Variants in KIF13A observed in about 807,000 individuals in gnomAD.
KIF13A encodes the protein kinesin family member 13A.
KIF13A carries 79 observed loss-of-function variants against 212.2 expected under a neutral mutation model. That is an observed-to-expected ratio of 0.37 (90% CI 0.31 to 0.45). The LOEUF (loss-of-function observed/expected upper bound fraction) is 0.45. Ranked by LOEUF, KIF13A falls within the 20% of genes least tolerant of loss-of-function variation. The probability of loss-of-function intolerance (pLI) is 1.00; values close to 1 mark genes in which losing one functional copy is unlikely to be tolerated. For synonymous variants in KIF13A, 789 were observed against 808.6 expected (o/e 0.98, Z 0.41); for missense variants, 1,901 against 2,209.0 (o/e 0.86, Z 2.79).
At chr6:17,842,099 A>G (rs1331902839) in intron 9 of KIF13A, among the ~76,000 whole-genome samples, 4 of 151,652 alleles carry the variant, frequency 2.6e-5, no homozygotes, top group Non-Finnish European at 5.9e-5. Context: ...CCCAGGCTGG[A>G]GAGCAGTGGT....
At chr6:17,907,363 G>A (rs1214405051) in intron 2 of KIF13A, among the ~76,000 whole-genome samples, 1 of 152,162 alleles carries the variant, frequency 6.6e-6, no homozygotes, top group Non-Finnish European at 1.5e-5. Flanking sequence ...AGAATTTGGT[G>A]AGAGCTCTTT....
chr6:17,778,961 C>T lies in KIF13A; in HGVS notation c.4078G>A (p.Glu1360Lys). 1 of 1,598,208 alleles carries T rather than the reference C, an allele frequency of 6.3e-7. No individual in the cohort carries two copies. The highest frequency in any genetic ancestry group is 8.5e-7 in the Non-Finnish European group (1 of 1,172,432). The change falls in exon 33 of 39, where the codon GAA becomes AAA. Residue 1360 changes from glutamate (E) to lysine (K), a missense_variant. Coordinates refer to ENST00000259711, the MANE Select transcript of KIF13A (RefSeq NM_022113.6). ...VLQVENILSL[E>K]RLRQAVTVKE... The stretch of plus-strand genomic sequence containing the variant: ...CAGTTACTTGCCTGCCGGAGCCGTT[C>T]AAGACTCAGAATGTTTTCCACCTGC...
chr6:17,886,779 G>A lies in KIF13A; in HGVS notation c.159+11389C>T, dbSNP rs1396272521. On this transcript the variant is annotated intron_variant, in intron 3 of 38. Coordinates refer to ENST00000259711, the MANE Select transcript of KIF13A (RefSeq NM_022113.6). The surrounding 1 kb of genome is among the most constrained non-coding windows in gnomAD (Gnocchi z 5.6). ...ATCATGCCATTGCACTCCAGCCTGG[G>A]CAACAAGGGCGAAACTCCATCTCAA... is the stretch of plus-strand genomic sequence containing the variant. Among the ~76,000 whole-genome samples, 1 of 151,966 alleles carries A rather than the reference G, an allele frequency of 6.6e-6. No homozygotes were observed. Among genetic ancestry groups the A allele is most frequent in the East Asian group, 1.9e-4 (1 of 5,186 alleles).
intron 11 of KIF13A, among the ~76,000 whole-genome samples, chr6:17,835,213 A>G (rs1477380995): frequency 2.0e-3 from 37 of 18,624 alleles, no homozygotes; most frequent in African/African-American, 6.5e-3. Context: ...AAAAAAAAAA[A>G]AAAAAAAAAA....
chr6:17,913,802 C>T (rs966130024), intron 2 of KIF13A, among the ~76,000 whole-genome samples: 1 of 151,996 alleles, frequency 6.6e-6, no homozygotes, highest in Non-Finnish European at 1.5e-5. Context: ...TTGATGGAGA[C>T]GCAAAATGGG....
At chr6:17,857,586 C>A (rs895871148) in intron 4 of KIF13A, among the ~76,000 whole-genome samples, 1 of 152,160 alleles carries the variant, frequency 6.6e-6, no homozygotes, top group Non-Finnish European at 1.5e-5. Flanking sequence ...TAGTTCTTTA[C>A]AACAGTGTAA....
chr6:17,943,244 G>C (rs1426418279), intron 2 of KIF13A, among the ~76,000 whole-genome samples: 1 of 152,016 alleles, frequency 6.6e-6, no homozygotes, highest in Non-Finnish European at 1.5e-5. Context: ...GGAGAATAAA[G>C]AACTGGTCAC....
intron 28 of KIF13A, among the ~76,000 whole-genome samples, chr6:17,784,228 T>C (rs1264345898): frequency 6.6e-6 from 1 of 152,110 alleles, no homozygotes; most frequent in African/African-American, 2.4e-5. Flanking sequence ...AAGACCAGCC[T>C]GGGCAACACA....
chr6:17,947,972 C>T lies in KIF13A; in HGVS notation c.146+39082G>A, dbSNP rs1187110317. ...ATTTGATAAGGCAAATGCAGCAAAG[C>T]TTTAAAATGTGTAAGTCTGCTATTC... is the stretch of plus-strand genomic sequence containing the variant. On this transcript the variant is annotated intron_variant, in intron 2 of 38. Transcript: ENST00000259711. The surrounding 1 kb of genome is among the most constrained non-coding windows in gnomAD (Gnocchi z 4.6). Among the ~76,000 whole-genome samples the T allele has an allele frequency of 6.6e-6, 1 of 152,082 alleles. No individual in the cohort carries two copies. The highest frequency in any genetic ancestry group is 1.5e-5 in the Non-Finnish European group (1 of 68,010).
chr6:17,975,422 G>T (rs1006886328), intron 2 of KIF13A, among the ~76,000 whole-genome samples: 1 of 152,096 alleles, frequency 6.6e-6, no homozygotes, highest in Non-Finnish European at 1.5e-5. Context: ...TCCTTTTGGT[G>T]GGTTCGTGAT....
intron 22 of KIF13A, among the ~76,000 whole-genome samples, chr6:17,798,620 G>GA (rs1762234205): frequency 6.6e-6 from 1 of 152,112 alleles, no homozygotes. Flanking sequence ...GGAAGTCTAA[G>GA]GAAAAACAAA....
At chr6:17,981,460 C>G (rs1781078233) in intron 2 of KIF13A, among the ~76,000 whole-genome samples, 1 of 141,588 alleles carries the variant, frequency 7.1e-6, no homozygotes, top group Non-Finnish European at 1.5e-5. Flanking sequence ...GAGTCTCGCT[C>G]TGTCGCCAGG....
At chr6:17,759,668 G>A (rs1758501467), downstream of KIF13A, 1 of 152,190 alleles carries the variant, frequency 6.6e-6, no homozygotes, top group African/African-American at 2.4e-5. Context: ...ATGAAGACAC[G>A]ACAGCAGGGT....
intron 6 of KIF13A, among the ~76,000 whole-genome samples, chr6:17,854,417 C>T (rs1292928367): frequency 1.3e-5 from 2 of 151,968 alleles, no homozygotes; most frequent in East Asian, 3.9e-4. Flanking sequence ...GAATTACAGG[C>T]ATGAGCCACT....
downstream of KIF13A, among the ~76,000 whole-genome samples, chr6:17,762,817 T>C (rs914033174): frequency 6.6e-6 from 1 of 152,204 alleles, no homozygotes; most frequent in African/African-American, 2.4e-5. Flanking sequence ...GATGACTGTT[T>C]AGGTTTTGGC....
chr6:17,858,916 C>T (rs911239729), intron 4 of KIF13A, among the ~76,000 whole-genome samples: 1 of 150,674 alleles, frequency 6.6e-6, no homozygotes, highest in Non-Finnish European at 1.5e-5. Context: ...AGCCCAACAG[C>T]TTGAGTTGAT....
intron 16 of KIF13A, among the ~76,000 whole-genome samples, chr6:17,822,184 G>A (rs544825688): frequency 3.3e-5 from 5 of 151,912 alleles, no homozygotes; most frequent in Non-Finnish European, 7.4e-5. Flanking sequence ...TGAGACTACA[G>A]GCACGCATCA....
chr6:17,933,111 A>T (rs1028097353), intron 2 of KIF13A, among the ~76,000 whole-genome samples: 20 of 152,150 alleles, frequency 1.3e-4, no homozygotes, highest in African/African-American at 4.8e-4. Flanking sequence ...TCCTGGGCCC[A>T]GTTTCTCTTC....
At chr6:17,770,711 C>A in intron 38 of KIF13A, 2 of 740,566 alleles carry the variant, frequency 2.7e-6, no homozygotes, top group Non-Finnish European at 3.3e-6. Context: ...CCAAACATAT[C>A]CACAGCTAAA....
Sources: gnomAD v4.1 joint callset for allele counts (sites outside exome capture counted in the v4.1 genomes callset) on GRCh38, gnomAD v4.1.1 for gene constraint, Gnocchi (gnomAD v3.1) non-coding constraint, MANE v1.5 for transcripts, NCBI Gene and HGNC (gene_info 2026-07-23, HGNC 2026-07-21) for gene names.